The following TLR5 variants were observed in gnomAD, a reference collection of about 807,000 sequenced individuals.
TLR5 encodes toll-like receptor 5.
For missense variants in TLR5, 944 were observed against 999.8 expected (o/e 0.94, Z 0.75); for synonymous variants, 373 against 384.4 (o/e 0.97, Z 0.35).
chr1:223,136,823 C>G (rs1657631881), intron 3 of TLR5, among the ~76,000 whole-genome samples: 1 of 152,044 alleles, frequency 6.6e-6, no homozygotes, highest in South Asian at 2.1e-4. Flanking sequence ...TATTTATTGA[C>G]TGTTTTTTAA....
At chr1:223,142,094 A>G (rs561412640) in intron 1 of TLR5, among the ~76,000 whole-genome samples, 13 of 152,222 alleles carry the variant, frequency 8.5e-5, no homozygotes, top group Admixed American at 6.5e-4. Flanking sequence ...AAGGAGTCCA[A>G]GAGATCTTGG....
intron 5 of TLR5, chr1:223,123,607 G>A: frequency 6.6e-6 from 1 of 152,464 alleles, no homozygotes. Flanking sequence ...GGACAGGTGA[G>A]CAGAGGAACC....
At chr1:223,117,134 G>A (rs979389581) in intron 5 of TLR5, among the ~76,000 whole-genome samples, 3 of 152,268 alleles carry the variant, frequency 2.0e-5, no homozygotes, top group African/African-American at 4.8e-5. Context: ...TCGAGAATTC[G>A]AGTGTGGCGC....
At chr1:223,120,696 C>T (rs1463575694) in intron 5 of TLR5, among the ~76,000 whole-genome samples, 1 of 152,202 alleles carries the variant, frequency 6.6e-6, no homozygotes, top group African/African-American at 2.4e-5. Context: ...AACAATGTCA[C>T]AAACAGTGCC....
At chr1:223,139,693 T>C (rs940298376) in intron 2 of TLR5, among the ~76,000 whole-genome samples, 2 of 151,962 alleles carry the variant, frequency 1.3e-5, no homozygotes, top group Non-Finnish European at 2.9e-5. Context: ...GAGGATATGC[T>C]GGGGGCAGAT....
rs2102858410 is a variant in TLR5 at position 223,111,153 on chromosome 1, C to A, written c.1879G>T (p.Glu627Ter). ...SGVSLFSLST[E>*]GCDEEEVLKS... ...AAGACTTCCTCTTCATCACAACCTT[C>A]CGTGGAAAGAGAGAAGAGGGAAACC... The change falls in exon 6 of 6, where the codon GAA (glutamate) becomes TAA (stop). Residue 627 changes from glutamate to a stop codon, truncating the protein, a stop_gained. Transcript: ENST00000642603. LOFTEE classifies it low-confidence loss of function (END_TRUNC). The A allele has an allele frequency of 1.9e-6, 3 of 1,614,146 alleles. No individual in the cohort carries two copies. The highest frequency in any genetic ancestry group is 2.5e-6 in the Non-Finnish European group (3 of 1,180,014).
In TLR5 at chr1:223,112,288, A is replaced by G. The variant is rs1372425676; in HGVS notation, c.744T>C (p.Asn248=). Residue 248 remains asparagine (N), a synonymous_variant, in exon 6 of 6, where the codon AAT becomes AAC. Coordinates refer to ENST00000642603, the MANE Select transcript of TLR5 (RefSeq NM_003268.6). ...AGAAGGCCTGGCTTTTGCTGATGGC[A>G]TTGCTAAAGTTTCCTGTGATGTCCA... The part of the protein sequence containing the change: ...WTVDITGNFS[N]AISKSQAFSL... The G allele has an allele frequency of 3.1e-6, 5 of 1,614,102 alleles. No homozygotes were observed. Among genetic ancestry groups the G allele is most frequent in the Middle Eastern group, 1.6e-4 (1 of 6,084 alleles).
At position 223,112,285 on chromosome 1, in the gene TLR5, G is replaced by A. The variant is rs542794325; in HGVS notation, c.747C>T (p.Ala249=). The change falls in exon 6 of 6, where the codon GCC becomes GCT. Residue 249 remains alanine, a synonymous_variant. Coordinates refer to ENST00000642603, the MANE Select transcript of TLR5 (RefSeq NM_003268.6). The part of the protein sequence containing the change: ...TVDITGNFSN[A]ISKSQAFSLI... Reference sequence around the variant, plus strand: ...AAGAGAAGGCCTGGCTTTTGCTGATGGCATTGCTAAAGTTTCCTGTGATGT... The same window carrying A: ...AAGAGAAGGCCTGGCTTTTGCTGATAGCATTGCTAAAGTTTCCTGTGATGT... 2 of 1,614,182 alleles carry A rather than the reference G, an allele frequency of 1.2e-6. No homozygotes were observed. The highest frequency in any genetic ancestry group is 2.2e-5 in the East Asian group (1 of 44,882).
chr1:223,120,707 C>T (rs1013702012), intron 5 of TLR5, among the ~76,000 whole-genome samples: 20 of 152,206 alleles, frequency 1.3e-4, no homozygotes, highest in African/African-American at 4.8e-4. Context: ...AAACAGTGCC[C>T]ATCTGCATCA....
At chr1:223,141,816 T>TAG (rs1657873748) in intron 1 of TLR5, 53 bp from the exon 2 acceptor site, 31 of 43,508 alleles carry the variant, frequency 7.1e-4, no homozygotes, top group Non-Finnish European at 1.1e-3. Context: ...TATATATATA[T>TAG]ATATATAGAG....
rs1656412977 is a variant in TLR5 at position 223,112,578 on chromosome 1, G to C, written c.454C>G (p.Leu152Val). The C allele has an allele frequency of 1.2e-6, 2 of 1,614,216 alleles. No individual in the cohort carries two copies. Among genetic ancestry groups the C allele is most frequent in the East Asian group, 4.5e-5 (2 of 44,890 alleles). Reference sequence around the variant, plus strand: ...AGGCTACGAATCTGATTTTTGGATAGATCCAAGCGAGTTAAAGCCTTTAAA... The same window carrying C: ...AGGCTACGAATCTGATTTTTGGATACATCCAAGCGAGTTAAAGCCTTTAAA... Reference protein sequence around the residue: ...RNLKALTRLDLSKNQIRSLYL... With the variant: ...RNLKALTRLDVSKNQIRSLYL... Residue 152 changes from leucine (L) to valine (V), a missense_variant, in exon 6 of 6, where the codon CTA becomes GTA. By Grantham distance (32) the Leu-to-Val change is conservative. Coordinates refer to ENST00000642603, the MANE Select transcript of TLR5 (RefSeq NM_003268.6).
intron 5 of TLR5, among the ~76,000 whole-genome samples, chr1:223,130,043 G>T (rs532938815): frequency 6.6e-6 from 1 of 152,106 alleles, no homozygotes; most frequent in South Asian, 2.1e-4. Flanking sequence ...TATTCCATTA[G>T]CAATGGGTGG....
At chr1:223,142,377 G>A (rs1004226352) in intron 1 of TLR5, among the ~76,000 whole-genome samples, 2 of 152,162 alleles carry the variant, frequency 1.3e-5, no homozygotes, top group Non-Finnish European at 2.9e-5. Flanking sequence ...CACGGTGCTG[G>A]ACGGATGTGT....
rs779758112 is a variant in TLR5, at chr1:223,112,098, T to G, written c.934A>C (p.Lys312Gln). The G allele has an allele frequency of 1.2e-6, 2 of 1,614,196 alleles. No individual in the cohort carries two copies. The highest frequency in any genetic ancestry group is 1.7e-6 in the Non-Finnish European group (2 of 1,180,030). Residue 312 changes from lysine to glutamine, a missense_variant, in exon 6 of 6, where the codon AAG becomes CAG. Coordinates refer to ENST00000642603, the MANE Select transcript of TLR5 (RefSeq NM_003268.6). ...SLNSRVFETL[K>Q]DLKVLNLAYN... is the part of the protein sequence containing the mutation. Reference sequence around the variant, plus strand: ...GCAAGGTTCAGAACCTTCAAATCCTTGAGTGTCTCAAAGACTCGTGAGTTC... The same window carrying G: ...GCAAGGTTCAGAACCTTCAAATCCTGGAGTGTCTCAAAGACTCGTGAGTTC...
At chr1:223,126,291 T>C (rs1476358305) in intron 5 of TLR5, among the ~76,000 whole-genome samples, 1 of 152,162 alleles carries the variant, frequency 6.6e-6, no homozygotes, top group Admixed American at 6.5e-5. Context: ...ACAAGATATC[T>C]AGAATAGATA....
At chr1:223,133,749 G>A (rs769992570) in intron 4 of TLR5, among the ~76,000 whole-genome samples, 3 of 152,232 alleles carry the variant, frequency 2.0e-5, no homozygotes, top group Admixed American at 6.5e-5. Flanking sequence ...AGGAGGGGAT[G>A]GATGGGTCAT....
At chr1:223,138,793 C>T (rs1657723035) in intron 2 of TLR5, among the ~76,000 whole-genome samples, 1 of 152,166 alleles carries the variant, frequency 6.6e-6, no homozygotes, top group Admixed American at 6.5e-5. Flanking sequence ...AAACCTTGTC[C>T]CTTACTCTTT....
At chr1:223,114,074 T>C (rs1457130373) in intron 5 of TLR5, among the ~76,000 whole-genome samples, 1 of 152,174 alleles carries the variant, frequency 6.6e-6, no homozygotes, top group African/African-American at 2.4e-5. Context: ...GTGATCGGTT[T>C]AATAAAAGTG....
intron 5 of TLR5, among the ~76,000 whole-genome samples, chr1:223,113,333 T>C (rs1468307954): frequency 1.3e-5 from 2 of 152,058 alleles, no homozygotes; most frequent in Non-Finnish European, 2.9e-5. Context: ...AGCCTCCTGA[T>C]TAGCTGGAAC....
Sources: gnomAD v4.1 joint callset for allele counts (sites outside exome capture counted in the v4.1 genomes callset) on GRCh38, gnomAD v4.1.1 for gene constraint, MANE v1.5 for transcripts, NCBI Gene and HGNC (gene_info 2026-07-23, HGNC 2026-07-21) for gene names.